DIP2C: variants seen among roughly 807,000 people sequenced by gnomAD.
DIP2C encodes disco-interacting protein 2 homolog C.
Under a neutral mutation model 192.4 loss-of-function variants are expected in DIP2C, and 33 were observed. The ratio of observed to expected loss-of-function variants is 0.17; its 90% CI spans 0.13 to 0.23. DIP2C has a LOEUF of 0.23. Ranked by LOEUF, DIP2C falls within the 10% of genes least tolerant of loss-of-function variation. The pLI is 1.00. For synonymous variants in DIP2C, 979 were observed against 864.1 expected, an observed-to-expected ratio of 1.13 and a Z score of -2.33; for missense variants, 1,537 against 2,110.1, an observed-to-expected ratio of 0.73 and a Z score of 5.32.
rs1335739085 is a variant in DIP2C, at chr10:347,514, G to A, written c.3231+1127C>T. Among the ~76,000 whole-genome samples the A allele has an allele frequency of 6.4e-5, 7 of 108,766 alleles. 1 individual carries two copies. The highest frequency in any genetic ancestry group is 4.1e-4 in the Admixed American group (4 of 9,812). 71.4% of individuals were successfully genotyped at this position (108,766 alleles called of 152,430 possible). A position where few individuals can be genotyped will look rare whatever the true frequency, so the allele number is the denominator to read the frequency against. ...CGGACACATTGCGCATAGTTCTCCC[G>A]GAAACCCCACACGCACCCAACCCAG... On this transcript the variant is annotated intron_variant, in intron 26 of 36. Coordinates refer to ENST00000280886, the MANE Select transcript of DIP2C (RefSeq NM_014974.3).
intron 1 of DIP2C, among the ~76,000 whole-genome samples, chr10:512,424 A>AAAT (rs1846075380): frequency 6.6e-6 from 1 of 152,004 alleles, no homozygotes; most frequent in Non-Finnish European, 1.5e-5. Flanking sequence ...ATAAAAATAA[A>AAAT]AAATTAGCTG....
intron 1 of DIP2C, among the ~76,000 whole-genome samples, chr10:580,934 G>C (rs1357409312): frequency 6.6e-6 from 1 of 151,564 alleles, no homozygotes; most frequent in Non-Finnish European, 1.5e-5. Context: ...TAAAAAATTA[G>C]AAGTGTGTCC....
intron 1 of DIP2C, among the ~76,000 whole-genome samples, chr10:560,880 G>A (rs1005343178): frequency 7.2e-5 from 11 of 152,064 alleles, no homozygotes; most frequent in Non-Finnish European, 1.5e-4. Context: ...TTAGCCTGAC[G>A]GGAAACATTC....
intron 4 of DIP2C, among the ~76,000 whole-genome samples, chr10:432,051 C>T (rs548786878): frequency 9.9e-5 from 15 of 151,578 alleles, no homozygotes; most frequent in South Asian, 6.3e-4. Flanking sequence ...GCTTTGGATG[C>T]GTGAAACAAA....
At chr10:641,385 A>G (rs1855189113) in intron 1 of DIP2C, among the ~76,000 whole-genome samples, 1 of 152,096 alleles carries the variant, frequency 6.6e-6, no homozygotes, top group Non-Finnish European at 1.5e-5. Flanking sequence ...CGGCCCGCAC[A>G]TCTCTGCTCC....
chr10:640,658 A>C (rs1406706166), intron 1 of DIP2C, among the ~76,000 whole-genome samples: 1 of 141,538 alleles, frequency 7.1e-6, no homozygotes, highest in Non-Finnish European at 1.5e-5. Context: ...CGCGGGGAAG[A>C]GGGTGCGCGC....
chr10:378,718 C>A (rs1470887942), intron 17 of DIP2C, among the ~76,000 whole-genome samples: 1 of 151,916 alleles, frequency 6.6e-6, no homozygotes, highest in African/African-American at 2.4e-5. Flanking sequence ...TATGCACAGA[C>A]ACGTGAACAG....
intron 33 of DIP2C, 128 bp from the exon 34 acceptor site, chr10:286,475 C>T: frequency 1.2e-6 from 1 of 800,852 alleles, no homozygotes; most frequent in South Asian, 1.6e-5. Context: ...TAAATCAAAA[C>T]TATATGCCAC....
At chr10:347,497 T>A (rs1162566867) in intron 26 of DIP2C, among the ~76,000 whole-genome samples, 1 of 75,478 alleles carries the variant, frequency 1.3e-5, no homozygotes, top group Non-Finnish European at 2.5e-5. Context: ...CCCGGACACA[T>A]TGCGCATAGT....
At position 329,466 on chromosome 10, in the gene DIP2C, G is replaced by C; in HGVS notation, c.3720C>G (p.Thr1240=). The C allele has an allele frequency of 1.9e-6, 3 of 1,614,102 alleles. No individual in the cohort carries two copies. Among genetic ancestry groups the C allele is most frequent in the African/African-American group, 2.7e-5 (2 of 75,050 alleles). ...ACTCTGTTTGCGAGCCCAGCCCCTT[G>C]GTGCACAGCTCCATCACGGAGTAGG... The part of the protein sequence containing the change: ...FCSYSVMELC[T]KGLGSQTESL... Residue 1240 remains threonine, a synonymous_variant, in exon 30 of 37, where the codon ACC becomes ACG. Transcript: ENST00000280886.
intron 1 of DIP2C, among the ~76,000 whole-genome samples, chr10:513,392 G>A (rs953415051): frequency 1.3e-5 from 2 of 152,212 alleles, no homozygotes; most frequent in Non-Finnish European, 2.9e-5. Context: ...TTCCCTCAAG[G>A]ACGGAAGTCT....
intron 23 of DIP2C, 130 bp downstream of exon 23, chr10:357,694 GGACA>G (rs1234335399): frequency 2.8e-5 from 18 of 637,160 alleles, no homozygotes; most frequent in Non-Finnish European, 4.3e-5. Context: ...GGACGGTTGC[GGACA>G]GTCAGACACT....
chr10:619,866 T>A (rs992473558), intron 1 of DIP2C, among the ~76,000 whole-genome samples: 2 of 152,200 alleles, frequency 1.3e-5, no homozygotes, highest in Non-Finnish European at 2.9e-5. Context: ...ATGGGTTCCC[T>A]GTACTTTAAG....
At chr10:362,797 T>G in intron 21 of DIP2C, 106 bp from the exon 22 acceptor site, 1 of 1,237,146 alleles carries the variant, frequency 8.1e-7, no homozygotes, top group East Asian at 2.5e-5. Flanking sequence ...CTGTGCAGTA[T>G]AAGCACTGTT....
chr10:681,028 A>G (rs367610440), intron 1 of DIP2C, among the ~76,000 whole-genome samples: 3 of 150,642 alleles, frequency 2.0e-5, no homozygotes, highest in African/African-American at 7.3e-5. Flanking sequence ...CCCCAGTTGC[A>G]TGGTACAGCT....
intron 1 of DIP2C, among the ~76,000 whole-genome samples, chr10:496,812 G>A (rs151095901): frequency 1.1e-4 from 16 of 152,106 alleles, no homozygotes; most frequent in East Asian, 3.9e-4. Flanking sequence ...CAGAACCCAC[G>A]GTGCCCTCTG....
chr10:633,642 G>T (rs1196687565), intron 1 of DIP2C, among the ~76,000 whole-genome samples: 5 of 152,220 alleles, frequency 3.3e-5, no homozygotes, highest in Admixed American at 3.3e-4. Flanking sequence ...TCCATGCAAG[G>T]TGCAAAGATT....
At chr10:642,823 G>A (rs1407586514) in intron 1 of DIP2C, among the ~76,000 whole-genome samples, 1 of 152,280 alleles carries the variant, frequency 6.6e-6, no homozygotes, top group East Asian at 1.9e-4. Context: ...AGAAAGGAAT[G>A]TAATATGGAC....
intron 32 of DIP2C, among the ~76,000 whole-genome samples, chr10:302,039 G>A (rs555787236): frequency 6.6e-5 from 10 of 152,238 alleles, no homozygotes; most frequent in African/African-American, 2.4e-4. Flanking sequence ...TCCCTTACCC[G>A]ATGATCATCT....
Sources: allele counts gnomAD v4.1 joint callset (sites outside exome capture counted in the v4.1 genomes callset), GRCh38; gene constraint gnomAD v4.1.1; transcripts MANE v1.5; gene names NCBI Gene and HGNC (gene_info 2026-07-23, HGNC 2026-07-21).